GALNTL6: variants seen among roughly 807,000 people sequenced by gnomAD.
GALNTL6 encodes polypeptide N-acetylgalactosaminyltransferase-like 6.
In GALNTL6, 46 loss-of-function variants were observed where a neutral mutation model predicts 73.7. The observed-to-expected ratio is 0.62, with a 90% CI of 0.49 to 0.80. The LOEUF (loss-of-function observed/expected upper bound fraction) is 0.80. Ranked by LOEUF, GALNTL6 falls within the 30% of genes least tolerant of loss-of-function variation. The pLI is 0.00. For missense variants in GALNTL6, 604 were observed against 755.0 expected, an observed-to-expected ratio of 0.80 and a Z score of 2.34; for synonymous variants, 259 against 263.7, an observed-to-expected ratio of 0.98 and a Z score of 0.17.
At chr4:171,929,479 C>A (rs1039308379) in intron 2 of GALNTL6, among the ~76,000 whole-genome samples, 6 of 152,152 alleles carry the variant, frequency 3.9e-5, no homozygotes, top group Admixed American at 3.3e-4. Flanking sequence ...CCCAGACCCC[C>A]ACCCCGCCAT....
chr4:172,049,589 G>T (rs952508290), intron 2 of GALNTL6, among the ~76,000 whole-genome samples: 1 of 152,196 alleles, frequency 6.6e-6, no homozygotes, highest in Non-Finnish European at 1.5e-5. Context: ...CGGGTGGAAA[G>T]ATTGATTTCT....
chr4:172,790,745 T>C (rs150830384), intron 5 of GALNTL6, among the ~76,000 whole-genome samples: 1 of 151,690 alleles, frequency 6.6e-6, no homozygotes, highest in Non-Finnish European at 1.5e-5. Context: ...ACAAAAAAAA[T>C]TAGCTGGGCA....
chr4:171,961,925 G>A (rs1183958671), intron 2 of GALNTL6, among the ~76,000 whole-genome samples: 2 of 152,170 alleles, frequency 1.3e-5, no homozygotes, highest in African/African-American at 4.8e-5. Context: ...CACTCTTGTG[G>A]AATATATTGC....
At chr4:172,015,923 A>ATTTTTTTTTTTTTTTTTTTTTTTTT (rs70941375) in intron 2 of GALNTL6, among the ~76,000 whole-genome samples, 5 of 44,090 alleles carry the variant, frequency 1.1e-4, no homozygotes, top group East Asian at 8.1e-4. Flanking sequence ...ATCTAATAGG[A>ATTTTTTTTTTTTTTTTTTTTTTTTT]TTTTTTTTTT....
chr4:172,924,083 G>A (rs755771790), intron 8 of GALNTL6, among the ~76,000 whole-genome samples: 5 of 152,026 alleles, frequency 3.3e-5, no homozygotes, highest in African/African-American at 7.2e-5. Flanking sequence ...AAAGAAAAAA[G>A]GTGATGACTT....
At chr4:171,884,713 C>T (rs1736559684) in intron 2 of GALNTL6, among the ~76,000 whole-genome samples, 1 of 151,892 alleles carries the variant, frequency 6.6e-6, no homozygotes, top group Admixed American at 6.6e-5. Context: ...CTGTTAATGA[C>T]AAAAGACAGC....
chr4:172,304,557 T>A (rs1347119046), intron 3 of GALNTL6, among the ~76,000 whole-genome samples: 3 of 152,204 alleles, frequency 2.0e-5, no homozygotes. Context: ...CTTGAGTGTT[T>A]CAGCTGCTTA....
intron 2 of GALNTL6, among the ~76,000 whole-genome samples, chr4:172,156,011 C>T (rs917216491): frequency 1.3e-5 from 2 of 151,966 alleles, no homozygotes; most frequent in African/African-American, 4.8e-5. Flanking sequence ...CGGTTGGAAC[C>T]CCGAGAACGT....
intron 2 of GALNTL6, among the ~76,000 whole-genome samples, chr4:171,831,777 T>G (rs1734978473): frequency 6.6e-6 from 1 of 151,796 alleles, no homozygotes; most frequent in Admixed American, 6.6e-5. Flanking sequence ...ATACATGTCA[T>G]TGCACATTGT....
chr4:171,866,185 A>C (rs1426550225), intron 2 of GALNTL6, among the ~76,000 whole-genome samples: 1 of 152,192 alleles, frequency 6.6e-6, no homozygotes, highest in Non-Finnish European at 1.5e-5. Flanking sequence ...GGTGTTTTAA[A>C]ATAAAAAAAT....
intron 9 of GALNTL6, among the ~76,000 whole-genome samples, chr4:172,933,452 C>T (rs1397160221): frequency 6.6e-6 from 1 of 151,978 alleles, no homozygotes; most frequent in Non-Finnish European, 1.5e-5. Context: ...CTGGGGTTGG[C>T]ACATAAAACT....
At chr4:172,953,785 T>TA (rs1749579345) in intron 10 of GALNTL6, among the ~76,000 whole-genome samples, 1 of 152,264 alleles carries the variant, frequency 6.6e-6, no homozygotes, top group African/African-American at 2.4e-5. Flanking sequence ...TAATTCAAGT[T>TA]ATTAATTTGG....
At chr4:171,926,812 T>C (rs1237996889) in intron 2 of GALNTL6, among the ~76,000 whole-genome samples, 4 of 152,178 alleles carry the variant, frequency 2.6e-5, no homozygotes, top group Admixed American at 2.0e-4. Context: ...TATGTTTTCC[T>C]TCCTGATTAG....
chr4:172,022,177 A>G (rs1741426351), intron 2 of GALNTL6, among the ~76,000 whole-genome samples: 1 of 152,058 alleles, frequency 6.6e-6, no homozygotes, highest in Non-Finnish European at 1.5e-5. Flanking sequence ...AATATTTGCA[A>G]GGTACCTATC....
chr4:172,963,099 CT>C (rs1750159671), intron 10 of GALNTL6, among the ~76,000 whole-genome samples: 2 of 152,136 alleles, frequency 1.3e-5, no homozygotes, highest in Non-Finnish European at 2.9e-5. Context: ...TCCTCACCCC[CT>C]GGCTTCCTCC....
intron 2 of GALNTL6, among the ~76,000 whole-genome samples, chr4:172,188,314 A>G (rs1383921992): frequency 1.3e-5 from 2 of 152,236 alleles, no homozygotes; most frequent in African/African-American, 2.4e-5. Context: ...AAGGGAAAAT[A>G]TTTGCAAAAG....
intron 7 of GALNTL6, among the ~76,000 whole-genome samples, chr4:172,822,337 G>A (rs1380155780): frequency 6.6e-6 from 1 of 151,964 alleles, no homozygotes; most frequent in East Asian, 1.9e-4. Context: ...TTCTGTAAGG[G>A]CCATTCAATC....
chr4:172,571,520 T>C (rs921880512), intron 5 of GALNTL6, among the ~76,000 whole-genome samples: 3 of 152,168 alleles, frequency 2.0e-5, no homozygotes, highest in Non-Finnish European at 4.4e-5. Flanking sequence ...TTTTAAAAAA[T>C]ACCCCTTAAT....
chr4:172,069,473 A>G lies in GALNTL6; in HGVS notation c.139-160183A>G, dbSNP rs1287916014. Among the ~76,000 whole-genome samples the G allele has an allele frequency of 1.8e-4, 8 of 43,672 alleles. 3 individuals are homozygous for G. The highest frequency in any genetic ancestry group is 7.9e-4 in the East Asian group (2 of 2,516). 28.7% of individuals were successfully genotyped at this position (43,672 alleles called of 152,430 possible). The stretch of plus-strand genomic sequence containing the variant: ...AATATATAACACACATATAACATAT[A>G]TGTTATATATAACACATATGTTATA... On this transcript the variant is annotated intron_variant, in intron 2 of 12. Transcript: ENST00000506823.
Sources: gnomAD v4.1 joint callset for allele counts (sites outside exome capture counted in the v4.1 genomes callset) on GRCh38, gnomAD v4.1.1 for gene constraint, MANE v1.5 for transcripts, NCBI Gene and HGNC (gene_info 2026-07-23, HGNC 2026-07-21) for gene names.